The following MAGI2 variants were observed in gnomAD, a reference collection of about 807,000 sequenced individuals.
The protein encoded by MAGI2 is membrane associated guanylate kinase, WW and PDZ domain containing 2.
In MAGI2, 35 loss-of-function variants were observed where a neutral mutation model predicts 133.3. The ratio of observed to expected loss-of-function variants is 0.26; its 90% confidence interval spans 0.20 to 0.35. MAGI2 has a LOEUF of 0.35. MAGI2 is among the 10% of genes least tolerant of loss of function. The pLI, the probability that MAGI2 is intolerant of heterozygous loss-of-function variation, is 1.00. For synonymous variants in MAGI2, 729 were observed against 710.6 expected, an observed-to-expected ratio of 1.03 and a Z score of -0.41; for missense variants, 1,636 against 1,863.4, an observed-to-expected ratio of 0.88 and a Z score of 2.25.
chr7:78,266,430 T>TGG (rs1794011397), intron 9 of MAGI2, among the ~76,000 whole-genome samples: 1 of 152,084 alleles, frequency 6.6e-6, no homozygotes, highest in Admixed American at 6.5e-5. Flanking sequence ...CTTGAACTCC[T>TGG]GGACTCAAGC....
chr7:78,187,406 T>C (rs1827794741), intron 12 of MAGI2, among the ~76,000 whole-genome samples: 1 of 152,120 alleles, frequency 6.6e-6, no homozygotes, highest in Non-Finnish European at 1.5e-5. Flanking sequence ...AGAATAAGAA[T>C]ATAGTACAAT....
At chr7:78,638,089 GA>G (rs1227079276) in intron 2 of MAGI2, among the ~76,000 whole-genome samples, 7 of 143,940 alleles carry the variant, frequency 4.9e-5, no homozygotes, top group East Asian at 4.0e-4. Context: ...GAAAAGAAAA[GA>G]AAAAAAAAAG....
intron 1 of MAGI2, among the ~76,000 whole-genome samples, chr7:79,368,747 C>A (rs1490210712): frequency 6.9e-6 from 1 of 144,948 alleles, no homozygotes; most frequent in African/African-American, 2.5e-5. Context: ...ACTTGGGAGG[C>A]TGAGGCAGGA....
chr7:79,310,253 C>T (rs62458961), intron 1 of MAGI2, among the ~76,000 whole-genome samples: 13,179 of 122,230 alleles, frequency 0.11, 829 homozygotes, highest in Middle Eastern at 0.24. Context: ...TTTTTGTGTA[C>T]AAAATTATCT....
intron 6 of MAGI2, among the ~76,000 whole-genome samples, chr7:78,456,255 C>T (rs1584219702): frequency 6.6e-6 from 1 of 152,062 alleles, no homozygotes; most frequent in East Asian, 1.9e-4. Flanking sequence ...CATTTGCTGT[C>T]AGCTCAGCTT....
intron 20 of MAGI2, among the ~76,000 whole-genome samples, chr7:78,101,117 G>A (rs1217338739): frequency 6.6e-6 from 1 of 152,152 alleles, no homozygotes; most frequent in African/African-American, 2.4e-5. Flanking sequence ...TTGTTATAAT[G>A]TCCATACTGC....
Position 78,407,717 on chromosome 7 carries a change from G to A in MAGI2, c.1046-38504C>T, listed in dbSNP as rs187880155. 4.9e-4 allele frequency among the ~76,000 whole-genome samples: 75 copies of A among 151,710 alleles called. 1 individual carries two copies. Among genetic ancestry groups the A allele is most frequent in the Admixed American group, 4.9e-3 (75 of 15,196 alleles). ...TATTATTGGCTTTAACATCTTTGAAGAGGGATTTGCATATTGACAAAAACA... is the reference window on the plus strand; with the variant it reads ...TATTATTGGCTTTAACATCTTTGAAAAGGGATTTGCATATTGACAAAAACA... On this transcript the variant is annotated intron_variant, in intron 6 of 21. Coordinates refer to ENST00000354212, the MANE Select transcript of MAGI2 (RefSeq NM_012301.4).
At chr7:78,392,465 T>C (rs1005335543) in intron 6 of MAGI2, among the ~76,000 whole-genome samples, 1 of 152,074 alleles carries the variant, frequency 6.6e-6, no homozygotes, top group African/African-American at 2.4e-5. Flanking sequence ...AAGACTTGTG[T>C]TAGAAAATAA....
Position 78,087,864 on chromosome 7 carries a change from C to A in MAGI2, c.3568-8779G>T, listed in dbSNP as rs548550363. The stretch of plus-strand genomic sequence containing the variant: ...GATTTTAAAGACAAGCTGGTTGGAG[C>A]AAAACATTTTCTACAAAGGAAAAAT... On this transcript the variant is annotated intron_variant, in intron 20 of 21. Coordinates refer to ENST00000354212, the MANE Select transcript of MAGI2 (RefSeq NM_012301.4). Among the ~76,000 whole-genome samples, 3 of 152,218 alleles carry A rather than the reference C, an allele frequency of 2.0e-5. No homozygotes were observed. The East Asian group carries it at 5.8e-4, about 29-fold the overall frequency.
At chr7:78,094,087 C>T (rs562913555) in intron 20 of MAGI2, among the ~76,000 whole-genome samples, 33 of 152,202 alleles carry the variant, frequency 2.2e-4, no homozygotes, top group East Asian at 1.5e-3. Context: ...TGAACACCAC[C>T]GGTACCAAGA....
At chr7:78,283,071 C>G (rs972706592) in intron 9 of MAGI2, among the ~76,000 whole-genome samples, 23 of 152,016 alleles carry the variant, frequency 1.5e-4, no homozygotes, top group African/African-American at 5.6e-4. Flanking sequence ...CTATGTTACC[C>G]AGGCTGGTCT....
chr7:79,018,038 C>A (rs1474601672), intron 1 of MAGI2, among the ~76,000 whole-genome samples: 2 of 151,936 alleles, frequency 1.3e-5, no homozygotes, highest in Non-Finnish European at 2.9e-5. Flanking sequence ...GAAAATTTCC[C>A]CAATTTTGCT....
At chr7:78,865,345 G>A (rs964975747) in intron 2 of MAGI2, among the ~76,000 whole-genome samples, 3 of 152,152 alleles carry the variant, frequency 2.0e-5, no homozygotes, top group African/African-American at 7.2e-5. Context: ...GCTTTGTGAG[G>A]AAGACCATTA....
At position 79,353,366 on chromosome 7, in the gene MAGI2, C is replaced by A. The variant is rs183187966; in HGVS notation, c.301+99654G>T. On this transcript the variant is annotated intron_variant, in intron 1 of 21. Transcript: ENST00000354212. ...ACTTTCTCTTCAGTCATGGAGGAAG[C>A]CTTGCTGTCTCTGGCTGTGGCATCT... The A allele has an allele frequency of 4.0e-3, 1,733 of 437,016 alleles. 19 individuals carry two copies. The highest frequency in any genetic ancestry group is 0.022 in the Admixed American group (892 of 41,270). The allele number at this position is 437,016 out of a possible 1,614,324, so 27.1% of individuals were successfully genotyped here. A position where few individuals can be genotyped will look rare whatever the true frequency, so the allele number is the denominator to read the frequency against.
intron 6 of MAGI2, among the ~76,000 whole-genome samples, chr7:78,372,163 T>G (rs1452929665): frequency 1.3e-5 from 2 of 152,114 alleles, no homozygotes; most frequent in Non-Finnish European, 2.9e-5. Flanking sequence ...AAAACAAAGA[T>G]TTAACCTAGT....
At chr7:78,734,421 T>C (rs778019640) in intron 2 of MAGI2, among the ~76,000 whole-genome samples, 3 of 152,184 alleles carry the variant, frequency 2.0e-5, no homozygotes, top group Non-Finnish European at 4.4e-5. Flanking sequence ...GCTTATGTTC[T>C]TGACCTACCT....
intron 12 of MAGI2, among the ~76,000 whole-genome samples, chr7:78,192,320 T>G (rs1426366298): frequency 1.3e-5 from 2 of 152,148 alleles, no homozygotes; most frequent in Non-Finnish European, 2.9e-5. Context: ...TGGTTCATAA[T>G]CACGAATTTT....
intron 3 of MAGI2, among the ~76,000 whole-genome samples, chr7:78,553,204 T>C (rs1260637815): frequency 1.3e-5 from 2 of 152,050 alleles, no homozygotes; most frequent in Non-Finnish European, 2.9e-5. Context: ...TACATTCCCA[T>C]CTGTTCGCAG....
chr7:78,201,671 A>G (rs1829265024), intron 10 of MAGI2, among the ~76,000 whole-genome samples: 1 of 152,242 alleles, frequency 6.6e-6, no homozygotes, highest in Non-Finnish European at 1.5e-5. Context: ...AAAATAACGT[A>G]TATGCCTACA....
Sources: allele counts gnomAD v4.1 joint callset (sites outside exome capture counted in the v4.1 genomes callset), GRCh38; gene constraint gnomAD v4.1.1; transcripts MANE v1.5; gene names NCBI Gene and HGNC (gene_info 2026-07-23, HGNC 2026-07-21).